Variants in TCP1 observed in about 807,000 individuals in gnomAD.
The protein encoded by TCP1 is T-complex protein 1 subunit alpha.
Under a neutral mutation model 54.7 loss-of-function variants are expected in TCP1, and 6 were observed. The observed-to-expected ratio is 0.11, with a 90% CI of 0.06 to 0.22. TCP1 has a LOEUF of 0.22. Ranked by LOEUF, TCP1 falls within the 10% of genes least tolerant of loss-of-function variation. The pLI is 1.00. For synonymous variants in TCP1, 225 were observed against 229.7 expected (o/e 0.98, Z 0.19); for missense variants, 511 against 678.2 (o/e 0.75, Z 2.74).
At chr6:159,780,907 T>C in intron 8 of TCP1, 28 bp downstream of exon 8, 9 of 1,562,462 alleles carry the variant, frequency 5.8e-6, no homozygotes, top group Non-Finnish European at 7.7e-6. Flanking sequence ...ATAAAAGTAT[T>C]TTATGTGACA....
chr6:159,779,455 G>A, intron 11 of TCP1, 172 bp downstream of exon 11: 1 of 1,003,116 alleles, frequency 1.0e-6, no homozygotes, highest in Non-Finnish European at 1.5e-6. Context: ...CTAATAATTA[G>A]TCATTATCCC....
At position 159,783,379 on chromosome 6, in the gene TCP1, A is replaced by ATTTTTT. The variant is rs770127722; in HGVS notation, c.797+556_797+561dup. Among the ~76,000 whole-genome samples the ATTTTTT allele has an allele frequency of 1.2e-3, 145 of 118,802 alleles. 1 individual carries two copies. Among genetic ancestry groups the ATTTTTT allele is most frequent in the African/African-American group, 3.8e-3 (116 of 30,742 alleles). 77.9% of individuals were successfully genotyped at this position (118,802 alleles called of 152,430 possible). A position where few individuals can be genotyped will look rare whatever the true frequency, so the allele number is the denominator to read the frequency against. Reference sequence around the variant, plus strand: ...TGTAGGTCTAACTACTGTTTAAACTATTTTTTTTTTTTTTTTTTTTGAGAC... The same window carrying ATTTTTT: ...TGTAGGTCTAACTACTGTTTAAACTATTTTTTTTTTTTTTTTTTTTTTTTTTGAGAC... On this transcript the variant is annotated intron_variant, in intron 7 of 11. Coordinates refer to ENST00000321394, the MANE Select transcript of TCP1 (RefSeq NM_030752.3).
chr6:159,787,058 C>T lies in TCP1; in HGVS notation c.279+685G>A, dbSNP rs1054132884. On this transcript the variant is annotated intron_variant, in intron 3 of 11. Transcript: ENST00000321394. Reference sequence around the variant, plus strand: ...AGGAGTTCAAGACCAGCCTGGGCAACATAGCGAGACCCTGTCTCTTAAAAA... The same window carrying T: ...AGGAGTTCAAGACCAGCCTGGGCAATATAGCGAGACCCTGTCTCTTAAAAA... 2.3e-5 allele frequency among the ~76,000 whole-genome samples: 3 copies of T among 129,658 alleles called. No homozygotes were observed. In the Admixed American group the frequency reaches 2.7e-4, roughly 12 times the overall value. 85.1% of individuals were successfully genotyped at this position (129,658 alleles called of 152,430 possible).
chr6:159,785,411 A>C lies in TCP1; in HGVS notation c.463T>G (p.Ser155Ala), dbSNP rs1283399015. The change falls in exon 5 of 12, where the codon TCC (serine) becomes GCC (alanine). Residue 155 changes from serine (S) to alanine (A), a missense_variant. Around this residue, in one of 5 missense-constraint regions of TCP1, gnomAD observed 305 missense variants for 352.8 expected, o/e 0.86. Coordinates refer to ENST00000321394, the MANE Select transcript of TCP1 (RefSeq NM_030752.3). ...RDCLINAAKT[S>A]MSSKIIGING... ...ATTCCAATGATTTTGGAAGACATGGATGTCTTAGCAGCATTAATCAGGCAA... is the reference window on the plus strand; with the variant it reads ...ATTCCAATGATTTTGGAAGACATGGCTGTCTTAGCAGCATTAATCAGGCAA... The C allele has an allele frequency of 1.9e-6, 3 of 1,612,534 alleles. No homozygotes were observed. Among genetic ancestry groups the C allele is most frequent in the Non-Finnish European group, 2.5e-6 (3 of 1,179,796 alleles).
intron 2 of TCP1, 22 bp from the exon 3 acceptor site, chr6:159,787,893 A>G (rs754755314): frequency 1.2e-6 from 2 of 1,613,162 alleles, no homozygotes; most frequent in South Asian, 2.2e-5. Flanking sequence ...GCAGGAAAAA[A>G]TATGAACCAC....
At chr6:159,787,696 G>A (rs1475500909) in intron 3 of TCP1, 47 bp downstream of exon 3, 1 of 1,587,788 alleles carries the variant, frequency 6.3e-7, no homozygotes. Flanking sequence ...CTTTCTGAAA[G>A]TCGGTCGTTT....
chr6:159,783,379 A>ATTTTT lies in TCP1; in HGVS notation c.797+557_797+561dup, dbSNP rs770127722. Among the ~76,000 whole-genome samples the ATTTTT allele has an allele frequency of 4.2e-3, 495 of 118,728 alleles. 10 individuals carry two copies. Among genetic ancestry groups the ATTTTT allele is most frequent in the African/African-American group, 8.9e-3 (274 of 30,736 alleles). 77.9% of individuals were successfully genotyped at this position (118,728 alleles called of 152,430 possible). On this transcript the variant is annotated intron_variant, in intron 7 of 11. Transcript: ENST00000321394. ...TGTAGGTCTAACTACTGTTTAAACT[A>ATTTTT]TTTTTTTTTTTTTTTTTTTTGAGAC...
chr6:159,780,136 T>G, intron 9 of TCP1, 49 bp from the exon 10 acceptor site: 1 of 1,575,774 alleles, frequency 6.3e-7, no homozygotes, highest in Non-Finnish European at 8.6e-7. Flanking sequence ...TTAAAAATTT[T>G]TTTTTGCCAA....
Position 159,787,833 on chromosome 6 carries a change from C to T in TCP1, c.189G>A (p.Lys63=), listed in dbSNP as rs958053878. The stretch of plus-strand genomic sequence containing the variant: ...CTGCAGGATGTTCTACCTCCAGTAA[C>T]TTCAGGATGGTTGCACCATCGTTAG... The part of the protein sequence containing the change: ...TITNDGATIL[K]LLEVEHPAAK... Residue 63 remains lysine (K), a synonymous_variant, in exon 3 of 12, where the codon AAG becomes AAA. Coordinates refer to ENST00000321394, the MANE Select transcript of TCP1 (RefSeq NM_030752.3). 1 of 1,614,186 alleles carries T rather than the reference C, an allele frequency of 6.2e-7. No individual in the cohort carries two copies. Among genetic ancestry groups the T allele is most frequent in the East Asian group, 2.2e-5 (1 of 44,882 alleles).
In TCP1 at chr6:159,778,756, G is replaced by T; in HGVS notation, c.*289C>A. The stretch of plus-strand genomic sequence containing the variant: ...CTGTTACACACACTGGAGAGAATGG[G>T]CAGAAGTCGTGGTGTTGCAGCCCTG... On this transcript the variant is annotated 3_prime_UTR_variant, in exon 12 of 12. Transcript: ENST00000321394. The T allele has an allele frequency of 6.2e-7, 1 of 1,614,220 alleles. No individual in the cohort carries two copies. Among genetic ancestry groups the T allele is most frequent in the East Asian group, 2.2e-5 (1 of 44,884 alleles).
chr6:159,782,556 G>A (rs1054439533), intron 7 of TCP1, among the ~76,000 whole-genome samples: 2 of 152,230 alleles, frequency 1.3e-5, no homozygotes, highest in African/African-American at 2.4e-5. Context: ...GAGAAAAAGT[G>A]TTGGTAAAAA....
chr6:159,787,881 T>C lies in TCP1; in HGVS notation c.151-10A>G, dbSNP rs1163974462. 6.2e-7 allele frequency: 1 copy of C among 1,613,324 alleles called. No homozygotes were observed. The highest frequency in any genetic ancestry group is 2.2e-5 in the East Asian group (1 of 44,838). On this transcript the variant is annotated splice_polypyrimidine_tract_variant and intron_variant, in intron 2 of 11. Coordinates refer to ENST00000321394, the MANE Select transcript of TCP1 (RefSeq NM_030752.3). ...TAGTAATGGTTACATCCTAAGAAATTCGCAGGAAAAAATATGAACCACTTA... is the reference window on the plus strand; with the variant it reads ...TAGTAATGGTTACATCCTAAGAAATCCGCAGGAAAAAATATGAACCACTTA...
intron 8 of TCP1, 63 bp from the exon 9 acceptor site, chr6:159,780,629 C>T: frequency 2.5e-6 from 4 of 1,569,282 alleles, no homozygotes; most frequent in South Asian, 1.2e-5. Context: ...TATCCTTGGA[C>T]TCAGTAGCAT....
At chr6:159,788,477 CAGTG>C (rs1780753041) in intron 1 of TCP1, 1 of 250,694 alleles carries the variant, frequency 4.0e-6, no homozygotes, top group African/African-American at 2.3e-5. Flanking sequence ...TTGGAGAATG[CAGTG>C]AGCTATGATG....
chr6:159,789,051 C>T (rs929632841), intron 1 of TCP1: 15 of 284,156 alleles, frequency 5.3e-5, no homozygotes, highest in African/African-American at 3.1e-4. Context: ...TTAACATGGA[C>T]ACTCAGGGGG....
intron 8 of TCP1, 127 bp from the exon 9 acceptor site, chr6:159,780,693 T>G: frequency 7.7e-7 from 1 of 1,299,194 alleles, no homozygotes; most frequent in Non-Finnish European, 1.1e-6. Context: ...CAGCACACGG[T>G]AACTCCTTTT....
intron 11 of TCP1, 145 bp downstream of exon 11, chr6:159,779,482 G>T: frequency 1.7e-6 from 2 of 1,185,008 alleles, no homozygotes; most frequent in African/African-American, 1.5e-5. Context: ...TACAGTGACT[G>T]AACAACAAAT....
Position 159,787,843 on chromosome 6 carries a change from G to T in TCP1, c.179C>A (p.Thr60Asn). 1 of 1,614,122 alleles carries T rather than the reference G, an allele frequency of 6.2e-7. No homozygotes were observed. The highest frequency in any genetic ancestry group is 8.5e-7 in the Non-Finnish European group (1 of 1,180,012). ...TTCTACCTCCAGTAACTTCAGGATG[G>T]TTGCACCATCGTTAGTAATGGTTAC... ...GDVTITNDGA[T>N]ILKLLEVEHP... The change falls in exon 3 of 12, where the codon ACC (threonine) becomes AAC (asparagine). Residue 60 changes from threonine to asparagine, a missense_variant. Thr to Asn is a moderately conservative substitution (Grantham distance 65). Transcript: ENST00000321394.
intron 10 of TCP1, 25 bp downstream of exon 10, chr6:159,779,870 T>A (rs1393360707): frequency 1.2e-6 from 2 of 1,611,046 alleles, no homozygotes; most frequent in Non-Finnish European, 1.7e-6. Flanking sequence ...CTCAGGCCTC[T>A]AAGACAAGAA....
Sources: allele counts gnomAD v4.1 joint callset (sites outside exome capture counted in the v4.1 genomes callset), GRCh38; gene constraint gnomAD v4.1.1; regional missense constraint gnomAD v4.1.1; transcripts MANE v1.5; gene names NCBI Gene and HGNC (gene_info 2026-07-23, HGNC 2026-07-21).